CDH18: variants seen among roughly 807,000 people sequenced by gnomAD.
CDH18 encodes cadherin-18.
Under a neutral mutation model 67.9 loss-of-function variants are expected in CDH18, and 31 were observed. That is an observed-to-expected ratio of 0.46 (90% CI 0.34 to 0.62). The LOEUF (loss-of-function observed/expected upper bound fraction) is 0.62, where lower values mean the gene tolerates loss of function less well. CDH18 is among the 20% of genes least tolerant of loss of function. The probability of loss-of-function intolerance (pLI) is 0.01; values close to 1 mark genes in which losing one functional copy is unlikely to be tolerated. For synonymous variants in CDH18, 362 were observed against 347.2 expected (o/e 1.04, Z -0.48); for missense variants, 890 against 975.5 (o/e 0.91, Z 1.17).
intron 1 of CDH18, among the ~76,000 whole-genome samples, chr5:20,296,191 G>T (rs1317057085): frequency 6.7e-6 from 1 of 149,530 alleles, no homozygotes; most frequent in Non-Finnish European, 1.5e-5. Flanking sequence ...TTTCATAATG[G>T]ATTATTATAA....
chr5:20,184,247 A>C (rs1249983514), intron 2 of CDH18, among the ~76,000 whole-genome samples: 1 of 152,074 alleles, frequency 6.6e-6, no homozygotes, highest in African/African-American at 2.4e-5. Context: ...GAGGTAAAAC[A>C]AAAAAATAAT....
intron 1 of CDH18, among the ~76,000 whole-genome samples, chr5:20,435,824 A>C (rs906870628): frequency 8.5e-5 from 13 of 152,094 alleles, no homozygotes; most frequent in Non-Finnish European, 1.6e-4. Flanking sequence ...GTGGTGAAAG[A>C]TATCAAAGGT....
chr5:20,126,146 C>T (rs148133623), intron 2 of CDH18, among the ~76,000 whole-genome samples: 46 of 152,188 alleles, frequency 3.0e-4, no homozygotes, highest in African/African-American at 1.0e-3. Flanking sequence ...ATAAGGAGCG[C>T]GGTCATAAAC....
intron 1 of CDH18, among the ~76,000 whole-genome samples, chr5:20,334,615 T>C (rs1213540904): frequency 6.6e-6 from 1 of 152,160 alleles, no homozygotes; most frequent in Admixed American, 6.5e-5. Flanking sequence ...ACTTCACAAC[T>C]GTTTATGGGG....
chr5:20,017,002 G>T (rs558801615), intron 2 of CDH18, among the ~76,000 whole-genome samples: 1 of 152,108 alleles, frequency 6.6e-6, no homozygotes, highest in East Asian at 1.9e-4. Context: ...TAAATAGCAT[G>T]ATCAAATAAA....
intron 8 of CDH18, among the ~76,000 whole-genome samples, chr5:19,561,992 G>A (rs1400229169): frequency 6.6e-6 from 1 of 152,100 alleles, no homozygotes; most frequent in Non-Finnish European, 1.5e-5. Context: ...TTTTAAGCAA[G>A]AATTTGCTTT....
intron 6 of CDH18, among the ~76,000 whole-genome samples, chr5:19,604,844 A>C (rs745414894): frequency 1.4e-4 from 21 of 151,856 alleles, no homozygotes; most frequent in Admixed American, 3.3e-4. Flanking sequence ...TATTCTATAG[A>C]AAGTTTTTTT....
chr5:19,945,095 C>A (rs1795169971), intron 2 of CDH18, among the ~76,000 whole-genome samples: 1 of 152,130 alleles, frequency 6.6e-6, no homozygotes, highest in Admixed American at 6.6e-5. Flanking sequence ...AGTGGTAAAG[C>A]CTGGTATCTT....
chr5:19,671,145 A>C (rs1378508689), intron 5 of CDH18, among the ~76,000 whole-genome samples: 1 of 152,116 alleles, frequency 6.6e-6, no homozygotes, highest in Non-Finnish European at 1.5e-5. Context: ...TTATTCAAGT[A>C]ATTTATCAAA....
chr5:20,409,220 A>T (rs1746557920), intron 1 of CDH18, among the ~76,000 whole-genome samples: 1 of 151,826 alleles, frequency 6.6e-6, no homozygotes, highest in Non-Finnish European at 1.5e-5. Context: ...AAAGAACATA[A>T]ATTCTTCTGA....
At chr5:20,258,100 A>G (rs143026817) in intron 1 of CDH18, among the ~76,000 whole-genome samples, 1,663 of 152,284 alleles carry the variant, frequency 0.011, 32 homozygotes, top group African/African-American at 0.038. Context: ...CAGGTTGTCC[A>G]TAAATAACAA....
At chr5:19,871,285 T>C (rs1786249670) in intron 2 of CDH18, among the ~76,000 whole-genome samples, 1 of 152,200 alleles carries the variant, frequency 6.6e-6, no homozygotes, top group South Asian at 2.1e-4. Context: ...AATATTAAAA[T>C]AGCAAATAAA....
intron 1 of CDH18, among the ~76,000 whole-genome samples, chr5:20,314,093 G>A (rs902704033): frequency 6.6e-6 from 1 of 151,858 alleles, no homozygotes; most frequent in African/African-American, 2.4e-5. Flanking sequence ...ACAATTTCTA[G>A]GATTCTTGGA....
intron 5 of CDH18, among the ~76,000 whole-genome samples, chr5:19,629,683 T>A (rs1275577278): frequency 6.6e-6 from 1 of 152,218 alleles, no homozygotes; most frequent in East Asian, 1.9e-4. Context: ...TATATAAATA[T>A]GTCTATTGGT....
chr5:20,355,230 A>G (rs1196332295), intron 1 of CDH18, among the ~76,000 whole-genome samples: 1 of 152,208 alleles, frequency 6.6e-6, no homozygotes, highest in Non-Finnish European at 1.5e-5. Context: ...TGTCTGTGTC[A>G]AGATGAGGGA....
At chr5:19,817,534 T>C (rs932807697) in intron 3 of CDH18, among the ~76,000 whole-genome samples, 2 of 152,040 alleles carry the variant, frequency 1.3e-5, no homozygotes, top group African/African-American at 4.8e-5. Flanking sequence ...AGGTAGAGAC[T>C]TCCAAAAACT....
intron 1 of CDH18, among the ~76,000 whole-genome samples, chr5:20,300,611 A>G (rs1218979229): frequency 6.6e-6 from 1 of 152,102 alleles, no homozygotes; most frequent in African/African-American, 2.4e-5. Context: ...AAATCGGTCA[A>G]TCATCAAGAG....
At chr5:20,386,101 C>A (rs1226422916) in intron 1 of CDH18, among the ~76,000 whole-genome samples, 1 of 152,142 alleles carries the variant, frequency 6.6e-6, no homozygotes, top group East Asian at 1.9e-4. Flanking sequence ...GCTTTTCATG[C>A]ATTCATCCTC....
intron 2 of CDH18, among the ~76,000 whole-genome samples, chr5:20,006,245 A>G (rs188788704): frequency 1.0e-3 from 156 of 151,960 alleles, no homozygotes; most frequent in African/African-American, 3.7e-3. Context: ...GCAAGCAGAA[A>G]GGTTTGGGAG....
Sources: allele counts gnomAD v4.1 joint callset (sites outside exome capture counted in the v4.1 genomes callset), GRCh38; gene constraint gnomAD v4.1.1; transcripts MANE v1.5; gene names NCBI Gene and HGNC (gene_info 2026-07-23, HGNC 2026-07-21).